STARD13: variants seen among roughly 807,000 people sequenced by gnomAD.
The protein encoded by STARD13 is StAR related lipid transfer domain containing 13, also known as stAR-related lipid transfer protein 13.
Under a neutral mutation model 106.4 loss-of-function variants are expected in STARD13, and 62 were observed. The observed-to-expected ratio is 0.58, with a 90% confidence interval of 0.48 to 0.72. STARD13 has a LOEUF of 0.72. STARD13 is among the 30% of genes least tolerant of loss of function. STARD13 has a pLI of 0.00. For synonymous variants in STARD13, 565 were observed against 553.0 expected (o/e 1.02, Z -0.31); for missense variants, 1,387 against 1,424.0 (o/e 0.97, Z 0.42).
At chr13:33,196,643 C>T in intron 1 of STARD13, among the ~76,000 whole-genome samples, 1 of 152,170 alleles carries the variant, frequency 6.6e-6, no homozygotes, top group East Asian at 1.9e-4. Flanking sequence ...CTGTGAGCTA[C>T]ATTGCTTATC....
the STARD13 span, among the ~76,000 whole-genome samples, chr13:33,468,954 A>G: frequency 6.6e-6 from 1 of 152,140 alleles, no homozygotes; most frequent in Non-Finnish European, 1.5e-5. Context: ...ACCATTAGAA[A>G]AAAGGAACTT....
intron 1 of STARD13, chr13:33,271,525 A>G (rs568997619): frequency 2.6e-5 from 4 of 152,418 alleles, no homozygotes; most frequent in Non-Finnish European, 4.4e-5. Flanking sequence ...GGTTGCGGGT[A>G]GAAGACTCCA....
the STARD13 span, among the ~76,000 whole-genome samples, chr13:33,519,270 T>C: frequency 6.8e-6 from 1 of 147,964 alleles, no homozygotes; most frequent in Non-Finnish European, 1.5e-5. Flanking sequence ...CTTTCTTTCT[T>C]TCTTTTCTTT....
At chr13:33,389,617 C>A in the STARD13 span, among the ~76,000 whole-genome samples, 1 of 152,120 alleles carries the variant, frequency 6.6e-6, no homozygotes, top group Non-Finnish European at 1.5e-5. Context: ...TTAATTAATT[C>A]ACATGAGAAA....
the STARD13 span, among the ~76,000 whole-genome samples, chr13:33,542,298 A>G: frequency 6.6e-6 from 1 of 152,184 alleles, no homozygotes; most frequent in Non-Finnish European, 1.5e-5. Flanking sequence ...CTGAGACCGC[A>G]CCCAGACTGC....
intron 3 of STARD13, among the ~76,000 whole-genome samples, chr13:33,143,929 A>C (rs1880188632): frequency 6.6e-6 from 1 of 152,222 alleles, no homozygotes; most frequent in Non-Finnish European, 1.5e-5. Flanking sequence ...TAATAGCAAT[A>C]GTCACAAATT....
upstream of STARD13, among the ~76,000 whole-genome samples, chr13:33,351,259 T>A (rs1443207927): frequency 1.3e-5 from 2 of 152,232 alleles, no homozygotes; most frequent in African/African-American, 4.8e-5. Flanking sequence ...AAAATAGATT[T>A]ACATACTTTG....
the STARD13 span, among the ~76,000 whole-genome samples, chr13:33,501,263 A>G: frequency 1.3e-5 from 2 of 151,824 alleles, no homozygotes; most frequent in Non-Finnish European, 2.9e-5. Context: ...TTTTCTATAA[A>G]AATAAAAATT....
At chr13:33,113,241 C>G in intron 8 of STARD13, 1 of 427,146 alleles carries the variant, frequency 2.3e-6, no homozygotes, top group Non-Finnish European at 4.3e-6. Flanking sequence ...ACCCACTCAC[C>G]TGCTTTCAGA....
Position 33,129,744 on chromosome 13 carries a change from G to A in STARD13, c.933C>T (p.Leu311=), listed in dbSNP as rs1877945259. The A allele has an allele frequency of 6.2e-7, 1 of 1,614,018 alleles. No individual in the cohort carries two copies. The highest frequency in any genetic ancestry group is 1.7e-5 in the Admixed American group (1 of 60,006). ...MQCIQIPNGD[L]QNSPPPACRK... ...TGCAGGCAGGTGGCGGCGAATTCTG[G>A]AGATCTCCATTTGGTATTTGGATGC... is the stretch of plus-strand genomic sequence containing the variant. Residue 311 remains leucine (L), a synonymous_variant, in exon 5 of 14, where the codon CTC becomes CTT. Coordinates refer to ENST00000336934, the MANE Select transcript of STARD13 (RefSeq NM_178006.4).
At position 33,124,832 on chromosome 13, in the gene STARD13, G is replaced by A. The variant is rs534345948; in HGVS notation, c.2082+1249C>T. ...TGTCAAAGAAGAGAACCCTAGAAAA[G>A]TAGCCTGTCACCCTTATTTCTGGGG... On this transcript the variant is annotated intron_variant, in intron 7 of 13. Coordinates refer to ENST00000336934, the MANE Select transcript of STARD13 (RefSeq NM_178006.4). Among the ~76,000 whole-genome samples the A allele has an allele frequency of 3.3e-5, 5 of 152,290 alleles. No homozygotes were observed. In the East Asian group the frequency reaches 5.8e-4, roughly 18 times the overall value.
chr13:33,421,237 A>G, the STARD13 span, among the ~76,000 whole-genome samples: 1 of 152,198 alleles, frequency 6.6e-6, no homozygotes, highest in Non-Finnish European at 1.5e-5. Context: ...AATCAAATAG[A>G]CACAATAAAA....
the STARD13 span, among the ~76,000 whole-genome samples, chr13:33,401,600 A>G: frequency 2.6e-5 from 4 of 152,160 alleles, no homozygotes. Context: ...CTTTTACCCA[A>G]CTTTCCTTCT....
intron 1 of STARD13, chr13:33,278,552 C>CCATT (rs1340072893): frequency 6.6e-6 from 1 of 152,080 alleles, no homozygotes; most frequent in Non-Finnish European, 1.5e-5. Context: ...GTTGAAGGCA[C>CCATT]CATTCACTAT....
At chr13:33,189,897 C>A (rs912041180) in intron 1 of STARD13, among the ~76,000 whole-genome samples, 1 of 151,998 alleles carries the variant, frequency 6.6e-6, no homozygotes, top group African/African-American at 2.4e-5. Flanking sequence ...TCAACTGCAA[C>A]CCACTCTAAG....
the STARD13 span, among the ~76,000 whole-genome samples, chr13:33,499,514 CT>C: frequency 2.0e-3 from 209 of 106,992 alleles, 7 homozygotes; most frequent in African/African-American, 4.9e-3. Flanking sequence ...TCTTCTTCTT[CT>C]TTCTTTCTTC....
intron 1 of STARD13, among the ~76,000 whole-genome samples, chr13:33,267,253 A>G (rs1010197069): frequency 4.6e-5 from 7 of 152,212 alleles, no homozygotes; most frequent in African/African-American, 1.7e-4. Flanking sequence ...GCAAAAACTG[A>G]TGAAGTCATA....
the STARD13 span, among the ~76,000 whole-genome samples, chr13:33,587,589 G>T: frequency 1.3e-5 from 2 of 152,178 alleles, no homozygotes; most frequent in Non-Finnish European, 2.9e-5. Context: ...GTCCAGACCA[G>T]TGCTTCTCAA....
At chr13:33,359,106 T>C in the STARD13 span, among the ~76,000 whole-genome samples, 4 of 152,146 alleles carry the variant, frequency 2.6e-5, no homozygotes, top group Non-Finnish European at 5.9e-5. Flanking sequence ...CCAGCCAGCA[T>C]TGGCAACCCG....
Sources: gnomAD v4.1 joint callset for allele counts (sites outside exome capture counted in the v4.1 genomes callset) on GRCh38, gnomAD v4.1.1 for gene constraint, MANE v1.5 for transcripts, NCBI Gene and HGNC (gene_info 2026-07-23, HGNC 2026-07-21) for gene names.